PGM5: variants seen among roughly 807,000 people sequenced by gnomAD.
The protein encoded by PGM5 is phosphoglucomutase 5, also known as phosphoglucomutase-like protein 5.
In PGM5, 23 loss-of-function variants were observed where a neutral mutation model predicts 59.2. The observed-to-expected ratio is 0.39, with a 90% CI of 0.28 to 0.55. The LOEUF is 0.55. Ranked by LOEUF, PGM5 falls within the 20% of genes least tolerant of loss-of-function variation. The pLI is 0.66. For synonymous variants in PGM5, 214 were observed against 286.0 expected, an observed-to-expected ratio of 0.75 and a Z score of 2.54; for missense variants, 574 against 748.3, an observed-to-expected ratio of 0.77 and a Z score of 2.72.
chr9:68,480,679 A>G (rs1198377894), intron 8 of PGM5, among the ~76,000 whole-genome samples: 2 of 151,938 alleles, frequency 1.3e-5, no homozygotes, highest in Non-Finnish European at 2.9e-5. Context: ...AGCCTGGGCA[A>G]CAGAGTGAGA....
At chr9:68,488,190 C>A (rs1285033131) in intron 9 of PGM5, among the ~76,000 whole-genome samples, 2 of 152,004 alleles carry the variant, frequency 1.3e-5, no homozygotes, top group African/African-American at 4.8e-5. Context: ...TGAGAAGGCC[C>A]CTTCAGTTTC....
intron 1 of PGM5, among the ~76,000 whole-genome samples, chr9:68,372,816 A>G (rs572517929): frequency 2.8e-4 from 43 of 152,210 alleles, no homozygotes; most frequent in African/African-American, 9.6e-4. Flanking sequence ...TCACACAGCA[A>G]GAGTGGGAGC....
chr9:68,371,573 G>A (rs1380469296), intron 1 of PGM5: 3 of 152,052 alleles, frequency 2.0e-5, no homozygotes, highest in Non-Finnish European at 4.4e-5. Context: ...TCTGATCTTC[G>A]GTGGATTTTA....
At chr9:68,528,722 G>A (rs1210973124) in intron 10 of PGM5, among the ~76,000 whole-genome samples, 1 of 152,282 alleles carries the variant, frequency 6.6e-6, no homozygotes, top group East Asian at 1.9e-4. Context: ...CACTATCTTG[G>A]TTAAATTGTT....
chr9:68,426,843 G>C (rs1823247442), intron 6 of PGM5: 1 of 152,128 alleles, frequency 6.6e-6, no homozygotes, highest in African/African-American at 2.4e-5. Flanking sequence ...CCATTTTCAG[G>C]CTCTTTCAGA....
intron 6 of PGM5, among the ~76,000 whole-genome samples, chr9:68,393,444 A>G (rs1267269229): frequency 6.6e-6 from 1 of 152,084 alleles, no homozygotes; most frequent in Non-Finnish European, 1.5e-5. Context: ...ACAATTGCCA[A>G]CTACCAATTA....
intron 1 of PGM5, among the ~76,000 whole-genome samples, chr9:68,377,978 A>G (rs1554677960): frequency 1.3e-5 from 2 of 152,320 alleles, no homozygotes; most frequent in Non-Finnish European, 2.9e-5. Context: ...TTTACAGGTT[A>G]ATAATTGACT....
At chr9:68,504,161 T>C (rs1824620881) in intron 10 of PGM5, among the ~76,000 whole-genome samples, 1 of 152,206 alleles carries the variant, frequency 6.6e-6, no homozygotes, top group African/African-American at 2.4e-5. Context: ...CTTCTAGACT[T>C]CTATTTCTGT....
chr9:68,450,782 A>G (rs184316618), intron 6 of PGM5, among the ~76,000 whole-genome samples: 75 of 152,326 alleles, frequency 4.9e-4, no homozygotes, highest in African/African-American at 1.8e-3. Context: ...CTCAGTCAAT[A>G]GCTTAGTGCT....
chr9:68,453,183 G>A (rs374921850), intron 6 of PGM5, among the ~76,000 whole-genome samples: 2 of 152,210 alleles, frequency 1.3e-5, no homozygotes, highest in Admixed American at 6.5e-5. Flanking sequence ...AAAGTAGAGA[G>A]TCCACTTTTA....
At chr9:68,371,017 C>T (rs1268692923) in intron 1 of PGM5, among the ~76,000 whole-genome samples, 50 of 151,898 alleles carry the variant, frequency 3.3e-4, no homozygotes, top group African/African-American at 1.2e-3. Context: ...AGATGTGGAC[C>T]CTGGGATCTG....
At chr9:68,484,974 G>A (rs1554687443) in intron 9 of PGM5, among the ~76,000 whole-genome samples, 1 of 152,154 alleles carries the variant, frequency 6.6e-6, no homozygotes, top group Non-Finnish European at 1.5e-5. Flanking sequence ...ATAAAATAAT[G>A]TGCCTTTTAA....
chr9:68,459,668 C>T (rs949976867), intron 6 of PGM5, among the ~76,000 whole-genome samples: 2 of 152,078 alleles, frequency 1.3e-5, no homozygotes, highest in East Asian at 1.9e-4. Context: ...AGCACTTGGC[C>T]GTACCACTCT....
chr9:68,399,715 C>T (rs1822617106), intron 6 of PGM5, among the ~76,000 whole-genome samples: 2 of 151,936 alleles, frequency 1.3e-5, no homozygotes, highest in Admixed American at 6.6e-5. Flanking sequence ...AGATACCAGA[C>T]CCGTTGTCAG....
intron 6 of PGM5, among the ~76,000 whole-genome samples, chr9:68,425,419 T>G (rs782382118): frequency 6.6e-5 from 10 of 152,200 alleles, no homozygotes; most frequent in African/African-American, 1.2e-4. Flanking sequence ...TTGCTGGTGA[T>G]GGAGGGATGT....
At chr9:68,443,848 C>A (rs7869138) in intron 6 of PGM5, among the ~76,000 whole-genome samples, 2 of 152,148 alleles carry the variant, frequency 1.3e-5, no homozygotes, top group South Asian at 4.1e-4. Context: ...GTAATGGAGC[C>A]CTGCTCCTAT....
chr9:68,474,694 G>C (rs782100884), intron 7 of PGM5, among the ~76,000 whole-genome samples: 3 of 151,692 alleles, frequency 2.0e-5, no homozygotes, highest in Non-Finnish European at 4.4e-5. Flanking sequence ...GTAAGATTGC[G>C]TGGGCTTTGG....
chr9:68,450,866 G>A (rs1554684289), intron 6 of PGM5, among the ~76,000 whole-genome samples: 2 of 152,190 alleles, frequency 1.3e-5, no homozygotes, highest in African/African-American at 4.8e-5. Flanking sequence ...ATTGGAAATT[G>A]ACAGAGAAAA....
At chr9:68,375,426 A>G (rs7023734) in intron 1 of PGM5, among the ~76,000 whole-genome samples, 8,571 of 152,220 alleles carry the variant, frequency 0.056, 812 homozygotes, top group African/African-American at 0.19. Flanking sequence ...CCAAATGACT[A>G]ATTTTCATTT....
Sources: allele counts gnomAD v4.1 joint callset (sites outside exome capture counted in the v4.1 genomes callset), GRCh38; gene constraint gnomAD v4.1.1; transcripts MANE v1.5; gene names NCBI Gene and HGNC (gene_info 2026-07-23, HGNC 2026-07-21).